TGM6: variants seen among roughly 807,000 people sequenced by gnomAD.
The protein encoded by TGM6 is protein-glutamine gamma-glutamyltransferase 6.
In TGM6, 74 loss-of-function variants were observed where a neutral mutation model predicts 77.5. That is an observed-to-expected ratio of 0.96 (90% CI 0.79 to 1.16). TGM6 has a LOEUF of 1.16. Ranked by LOEUF, TGM6 falls within the 50% of genes most tolerant of loss-of-function variation. TGM6 has a pLI of 0.00. For synonymous variants in TGM6, 383 were observed against 378.9 expected, an observed-to-expected ratio of 1.01 and a Z score of -0.12; for missense variants, 968 against 940.2, an observed-to-expected ratio of 1.03 and a Z score of -0.39.
chr20:2,431,979 T>C (rs1455511952), intron 12 of TGM6, among the ~76,000 whole-genome samples: 1 of 152,214 alleles, frequency 6.6e-6, no homozygotes, highest in Non-Finnish European at 1.5e-5. Context: ...AAAACTAGCC[T>C]GGCTAGATGG....
At chr20:2,410,702 T>A (rs2084779650) in intron 9 of TGM6, among the ~76,000 whole-genome samples, 1 of 151,656 alleles carries the variant, frequency 6.6e-6, no homozygotes, top group Non-Finnish European at 1.5e-5. Flanking sequence ...TTGAACTGAA[T>A]TGAACTGGAG....
rs1241427055 is a variant in TGM6, at chr20:2,399,568, G to A, written c.680G>A (p.Ser227Asn). 1 of 1,612,630 alleles carries A rather than the reference G, an allele frequency of 6.2e-7. No homozygotes were observed. The highest frequency in any genetic ancestry group is 8.5e-7 in the Non-Finnish European group (1 of 1,179,914). ...GTGCCCTCCTCTGCCCAGGTGAACA[G>A]CAACAACGACCGAGGTGTGGTGCAA... ...VTRVISAMVNSNNDRGVVQGQ... is the reference protein window; with the variant it reads ...VTRVISAMVNNNNDRGVVQGQ... Residue 227 changes from serine (S) to asparagine (N), a missense_variant, in exon 6 of 13, where the codon AGC becomes AAC. Ser to Asn is a conservative substitution (Grantham distance 46). Transcript: ENST00000202625.
chr20:2,382,663 G>A (rs574606538), intron 1 of TGM6, among the ~76,000 whole-genome samples: 1 of 152,272 alleles, frequency 6.6e-6, no homozygotes, highest in South Asian at 2.1e-4. Context: ...CTTCTTGGGA[G>A]GATCTGTTCC....
intron 10 of TGM6, among the ~76,000 whole-genome samples, chr20:2,429,466 G>GAA (rs59799305): frequency 7.5e-6 from 1 of 132,778 alleles, no homozygotes; most frequent in Non-Finnish European, 1.6e-5. Flanking sequence ...ATAGTAGTCA[G>GAA]AAAAAAAAAA....
chr20:2,380,983 G>A lies in TGM6; in HGVS notation c.7+8G>A, dbSNP rs1447133950. 1.2e-6 allele frequency: 2 copies of A among 1,608,622 alleles called. No homozygotes were observed. The highest frequency in any genetic ancestry group is 1.1e-5 in the South Asian group (1 of 89,082). On this transcript the variant is annotated splice_region_variant and intron_variant, in intron 1 of 12. Transcript: ENST00000202625. ...CTGGCCTTCACATGGCAGGTAAGTG[G>A]GCAGAGCCTGGGGCCTTGGGACACC...
At chr20:2,400,186 A>C in intron 6 of TGM6, 120 bp from the exon 7 acceptor site, 2 of 1,428,112 alleles carry the variant, frequency 1.4e-6, no homozygotes, top group Non-Finnish European at 9.7e-7. Context: ...CTAGACACAC[A>C]GACAAAGATG....
chr20:2,417,695 G>A (rs2084828324), intron 10 of TGM6, 122 bp downstream of exon 10: 2 of 1,172,304 alleles, frequency 1.7e-6, no homozygotes, highest in Non-Finnish European at 1.2e-6. Context: ...ACATTCCTGA[G>A]CATTGTGCTC....
chr20:2,429,052 T>C (rs1209006377), intron 10 of TGM6, among the ~76,000 whole-genome samples: 1 of 152,192 alleles, frequency 6.6e-6, no homozygotes, highest in Non-Finnish European at 1.5e-5. Flanking sequence ...CTTGAACTCC[T>C]GACCTCAGGT....
chr20:2,400,226 G>T, intron 6 of TGM6, 80 bp from the exon 7 acceptor site: 1 of 1,602,396 alleles, frequency 6.2e-7, no homozygotes. Context: ...CCACAAATGA[G>T]CCAGGGCGCC....
At chr20:2,416,481 A>T (rs927462093) in intron 9 of TGM6, among the ~76,000 whole-genome samples, 1 of 152,372 alleles carries the variant, frequency 6.6e-6, no homozygotes, top group East Asian at 1.9e-4. Flanking sequence ...TGAAGTTGTT[A>T]TACCCTACAG....
chr20:2,400,576 G>C, intron 7 of TGM6, 132 bp downstream of exon 7: 2 of 1,270,646 alleles, frequency 1.6e-6, no homozygotes, highest in Non-Finnish European at 2.2e-6. Flanking sequence ...GCCGGCTCTG[G>C]AGGGAGTGAG....
In TGM6 at chr20:2,394,327, G is replaced by A. The variant is rs578144225; in HGVS notation, c.8-125G>A. 2,446 of 1,104,100 alleles carry A rather than the reference G, an allele frequency of 2.2e-3. 3 individuals carry two copies. The highest frequency in any genetic ancestry group is 2.9e-3 in the Non-Finnish European group (2,164 of 749,538). The allele number at this position is 1,104,100 out of a possible 1,614,324, so 68.4% of individuals were successfully genotyped here. A position where few individuals can be genotyped will look rare whatever the true frequency, so the allele number is the denominator to read the frequency against. On this transcript the variant is annotated intron_variant, in intron 1 of 12. Transcript: ENST00000202625. ...CAAACAAACAAACAAACAGAGAATC[G>A]CCGGTATATGATAAATAGCAGCTGG... is the stretch of plus-strand genomic sequence containing the variant.
intron 1 of TGM6, among the ~76,000 whole-genome samples, chr20:2,394,054 C>T (rs1483793819): frequency 1.3e-5 from 2 of 151,990 alleles, no homozygotes; most frequent in Non-Finnish European, 2.9e-5. Flanking sequence ...CTGTGGGAGG[C>T]CAAGGCAGGC....
chr20:2,430,391 G>A (rs1354839368), intron 10 of TGM6, 55 bp from the exon 11 acceptor site: 29 of 1,608,436 alleles, frequency 1.8e-5, no homozygotes, highest in Non-Finnish European at 2.3e-5. Context: ...CTTCTTCCCA[G>A]TGCCATTGAA....
intron 1 of TGM6, among the ~76,000 whole-genome samples, chr20:2,388,627 AC>A (rs767025017): frequency 1.1e-4 from 17 of 150,658 alleles, no homozygotes; most frequent in South Asian, 8.4e-4. Flanking sequence ...AAACAAACAA[AC>A]AAAAAAAAAC....
At chr20:2,429,026 T>A (rs1231076177) in intron 10 of TGM6, among the ~76,000 whole-genome samples, 1 of 152,184 alleles carries the variant, frequency 6.6e-6, no homozygotes. Flanking sequence ...GGTTTCAACA[T>A]GTTGGTCAGG....
Position 2,398,018 on chromosome 20 carries a change from T to C in TGM6, c.644T>C (p.Ile215Thr), listed in dbSNP as rs376370167. The C allele has an allele frequency of 5.0e-6, 8 of 1,613,972 alleles. No homozygotes were observed. The highest frequency in any genetic ancestry group is 1.6e-4 in the Middle Eastern group (1 of 6,084). ...GACGTGTCCTGCCGCCACAACCCCATCTACGTCACCAGGGTCATCAGTGCC... is the reference window on the plus strand; with the variant it reads ...GACGTGTCCTGCCGCCACAACCCCACCTACGTCACCAGGGTCATCAGTGCC... ...ATDVSCRHNPIYVTRVISAMV... is the reference protein window; with the variant it reads ...ATDVSCRHNPTYVTRVISAMV... The change falls in exon 5 of 13, where the codon ATC becomes ACC. Residue 215 changes from isoleucine (I) to threonine (T), a missense_variant. Transcript: ENST00000202625.
intron 10 of TGM6, among the ~76,000 whole-genome samples, chr20:2,419,260 C>G (rs2084840453): frequency 6.6e-6 from 1 of 152,110 alleles, no homozygotes; most frequent in Non-Finnish European, 1.5e-5. Flanking sequence ...CCTCTCTCTC[C>G]TTTCACATAC....
At chr20:2,383,420 A>G (rs2084569452) in intron 1 of TGM6, among the ~76,000 whole-genome samples, 1 of 151,992 alleles carries the variant, frequency 6.6e-6, no homozygotes, top group South Asian at 2.1e-4. Flanking sequence ...CTGCACATGG[A>G]CCCTTCCCTT....
Sources: gnomAD v4.1 joint callset for allele counts (sites outside exome capture counted in the v4.1 genomes callset) on GRCh38, gnomAD v4.1.1 for gene constraint, MANE v1.5 for transcripts, NCBI Gene and HGNC (gene_info 2026-07-23, HGNC 2026-07-21) for gene names.